Variants in FRMD6 observed in about 807,000 individuals in gnomAD.
FRMD6 encodes FERM domain containing 6.
FRMD6 carries 37 observed loss-of-function variants against 73.2 expected under a neutral mutation model. That is an observed-to-expected ratio of 0.51 (90% CI 0.39 to 0.66). The LOEUF is 0.66. Ranked by LOEUF, FRMD6 falls within the 30% of genes least tolerant of loss-of-function variation. The probability of loss-of-function intolerance (pLI) is 0.00; values close to 1 mark genes in which losing one functional copy is unlikely to be tolerated. For missense variants in FRMD6, 714 were observed against 780.5 expected (o/e 0.91, Z 1.02); for synonymous variants, 273 against 282.2 (o/e 0.97, Z 0.33).
At chr14:51,663,185 A>G (rs926374564) in intron 1 of FRMD6, among the ~76,000 whole-genome samples, 1 of 152,228 alleles carries the variant, frequency 6.6e-6, no homozygotes, top group African/African-American at 2.4e-5. Context: ...AATTAGTTCC[A>G]CCATTGTGGA....
chr14:51,399,301 T>TATA, the FRMD6 span, among the ~76,000 whole-genome samples: 3 of 152,184 alleles, frequency 2.0e-5, no homozygotes, highest in East Asian at 5.8e-4. Context: ...AAGGGACTAT[T>TATA]TGTAGTTAAT....
At chr14:51,552,951 A>C (rs1886924158) in intron 1 of FRMD6, among the ~76,000 whole-genome samples, 1 of 152,168 alleles carries the variant, frequency 6.6e-6, no homozygotes, top group South Asian at 2.1e-4. Flanking sequence ...TGGATGCAAG[A>C]AGTCCCAAGC....
intron 1 of FRMD6, among the ~76,000 whole-genome samples, chr14:51,658,129 C>T (rs571158501): frequency 2.0e-5 from 3 of 152,274 alleles, no homozygotes; most frequent in South Asian, 4.1e-4. Context: ...CAAGTGAGTC[C>T]ATTGGGGGGC....
chr14:51,590,915 T>C (rs1434901935), intron 2 of FRMD6, among the ~76,000 whole-genome samples: 2 of 152,250 alleles, frequency 1.3e-5, no homozygotes, highest in Admixed American at 6.5e-5. Context: ...CTGATTTATA[T>C]ATACCTCGCA....
chr14:51,405,339 A>G, the FRMD6 span, among the ~76,000 whole-genome samples: 1,638 of 152,214 alleles, frequency 0.011, 31 homozygotes, highest in African/African-American at 0.037. Flanking sequence ...TTTGCCCTTT[A>G]AGGAATTGCC....
the FRMD6 span, among the ~76,000 whole-genome samples, chr14:51,422,744 G>A: frequency 5.9e-3 from 906 of 152,290 alleles, 12 homozygotes; most frequent in Non-Finnish European, 5.7e-3. Context: ...TTGCATTCCC[G>A]GAGAAAAGAC....
chr14:51,559,145 C>T (rs1021655785), intron 1 of FRMD6, among the ~76,000 whole-genome samples: 3 of 152,284 alleles, frequency 2.0e-5, no homozygotes, highest in South Asian at 2.1e-4. Flanking sequence ...CAACATACCC[C>T]GGCAAATAGG....
chr14:51,459,108 G>A, the FRMD6 span, among the ~76,000 whole-genome samples: 1 of 152,228 alleles, frequency 6.6e-6, no homozygotes, highest in Non-Finnish European at 1.5e-5. Flanking sequence ...TCTCCCCTTA[G>A]ATTGACCCTT....
At chr14:51,406,888 AT>A in the FRMD6 span, among the ~76,000 whole-genome samples, 6 of 152,162 alleles carry the variant, frequency 3.9e-5, no homozygotes, top group Non-Finnish European at 8.8e-5. Flanking sequence ...TATAAATAAT[AT>A]TGTTTAAAAT....
chr14:51,692,622 G>A (rs1235207026), intron 2 of FRMD6: 1 of 152,180 alleles, frequency 6.6e-6, no homozygotes, highest in Non-Finnish European at 1.5e-5. Flanking sequence ...TAAAATCTCA[G>A]CTGAGGAAGA....
Position 51,548,160 on chromosome 14 carries a change from A to T in FRMD6, c.-209-22188A>T, listed in dbSNP as rs114870680. ...GATCTGCGTTATTTGTGGAAGTATC[A>T]CTAAGGCTAAACAACTGTGGCACCA... On this transcript the variant is annotated intron_variant, in intron 1 of 14. Coordinates refer to the FRMD6 transcript ENST00000356218. 5.1e-3 allele frequency among the ~76,000 whole-genome samples: 783 copies of T among 152,306 alleles called. 2 individuals are homozygous for T. Among genetic ancestry groups the T allele is most frequent in the African/African-American group, 0.017 (723 of 41,564 alleles).
chr14:51,469,002 A>G, the FRMD6 span, among the ~76,000 whole-genome samples: 4 of 152,006 alleles, frequency 2.6e-5, no homozygotes, highest in Non-Finnish European at 5.9e-5. Context: ...GTGCAGTGGC[A>G]CGATCTCGGC....
At chr14:51,487,313 T>A (rs961903826), upstream of FRMD6, among the ~76,000 whole-genome samples, 1 of 152,236 alleles carries the variant, frequency 6.6e-6, no homozygotes, top group East Asian at 1.9e-4. Context: ...TGTATATACA[T>A]TTCCTTTACA....
At position 51,720,189 on chromosome 14, in the gene FRMD6, G is replaced by A. The variant is rs928666142; in HGVS notation, c.1159G>A (p.Ala387Thr). The change falls in exon 11 of 14, where the codon GCC becomes ACC. Residue 387 changes from alanine to threonine, a missense_variant. By Grantham distance (58) the Ala-to-Thr change is moderately conservative. Coordinates refer to ENST00000344768, the MANE Select transcript of FRMD6 (RefSeq NM_001267046.2). ...CAAGCGCCTGTCCCGTCATTCCACC[G>A]CCAGCCACAGCAGTTCCCACACCTC... ...KHKRLSRHST[A>T]SHSSSHTSGI... is the part of the protein sequence containing the mutation. 5.0e-6 allele frequency: 8 copies of A among 1,613,756 alleles called. No individual in the cohort carries two copies. The African/African-American group carries it at 5.3e-5, about 11-fold the overall frequency.
intron 11 of FRMD6, among the ~76,000 whole-genome samples, chr14:51,721,261 A>G (rs1897545456): frequency 6.6e-6 from 1 of 152,208 alleles, no homozygotes; most frequent in Non-Finnish European, 1.5e-5. Context: ...AAAAATACAG[A>G]ATAATGGGCA....
intron 1 of FRMD6, among the ~76,000 whole-genome samples, chr14:51,684,661 C>T (rs1457549972): frequency 1.3e-5 from 2 of 152,038 alleles, no homozygotes; most frequent in East Asian, 3.9e-4. Flanking sequence ...AGAGGGGCTC[C>T]TGGCAGCTAG....
intron 1 of FRMD6, among the ~76,000 whole-genome samples, chr14:51,502,107 CT>C (rs1341241578): frequency 5.3e-5 from 8 of 151,988 alleles, no homozygotes; most frequent in African/African-American, 1.9e-4. Context: ...CTTAAAATAG[CT>C]GGATATTAGA....
At chr14:51,617,156 T>C (rs1365819004) in intron 2 of FRMD6, among the ~76,000 whole-genome samples, 2 of 152,214 alleles carry the variant, frequency 1.3e-5, no homozygotes, top group African/African-American at 2.4e-5. Flanking sequence ...CCGTTTTGCA[T>C]GTAACACAGT....
intron 2 of FRMD6, among the ~76,000 whole-genome samples, chr14:51,629,863 A>G (rs1018094087): frequency 6.6e-6 from 1 of 152,134 alleles, no homozygotes; most frequent in Non-Finnish European, 1.5e-5. Context: ...TAAATTATCT[A>G]TATGTTTCCT....
Sources: gnomAD v4.1 joint callset for allele counts (sites outside exome capture counted in the v4.1 genomes callset) on GRCh38, gnomAD v4.1.1 for gene constraint, MANE v1.5 for transcripts, NCBI Gene and HGNC (gene_info 2026-07-23, HGNC 2026-07-21) for gene names.